Variants in PPP4R3A observed in about 807,000 individuals in gnomAD.
PPP4R3A encodes the protein protein phosphatase 4 regulatory subunit 3A, also known as serine/threonine-protein phosphatase 4 regulatory subunit 3A.
Under a neutral mutation model 91.7 loss-of-function variants are expected in PPP4R3A, and 15 were observed. The ratio of observed to expected loss-of-function variants is 0.16; its 90% CI spans 0.11 to 0.25. The LOEUF (loss-of-function observed/expected upper bound fraction) is 0.25. Ranked by LOEUF, PPP4R3A falls within the 10% of genes least tolerant of loss-of-function variation. PPP4R3A has a pLI of 1.00. For missense variants in PPP4R3A, 623 were observed against 998.4 expected, an observed-to-expected ratio of 0.62 and a Z score of 5.07; for synonymous variants, 377 against 348.7, an observed-to-expected ratio of 1.08 and a Z score of -0.91.
intron 1 of PPP4R3A, among the ~76,000 whole-genome samples, chr14:91,506,992 A>G (rs1216838248): frequency 6.6e-6 from 1 of 152,164 alleles, no homozygotes; most frequent in Non-Finnish European, 1.5e-5. Flanking sequence ...AAATGGAGGA[A>G]GAGAGATTTG....
rs985335548 is a variant in PPP4R3A at position 91,495,336 on chromosome 14, T to C, written c.143-4534A>G. On this transcript the variant is annotated intron_variant, in intron 1 of 14. Coordinates refer to ENST00000554943, the MANE Select transcript of PPP4R3A (RefSeq NM_001366432.2). The stretch of plus-strand genomic sequence containing the variant: ...TGTGTGTGTGTGTGTATGTTTTTTT[T>C]TAGACAGTCTCTCTGTCGCCCAGGC... Among the ~76,000 whole-genome samples the C allele has an allele frequency of 1.6e-3, 61 of 37,518 alleles. 1 individual carries two copies. Among genetic ancestry groups the C allele is most frequent in the Middle Eastern group, 0.014 (1 of 74 alleles). 24.6% of individuals were successfully genotyped at this position (37,518 alleles called of 152,430 possible).
intron 11 of PPP4R3A, 86 bp downstream of exon 11, chr14:91,465,161 TATC>T: frequency 2.0e-6 from 2 of 1,004,906 alleles, no homozygotes; most frequent in South Asian, 2.6e-5. Context: ...CTCCAAATAT[TATC>T]ATCTCAAGCC....
chr14:91,508,631 T>C (rs1243855182), intron 1 of PPP4R3A, among the ~76,000 whole-genome samples: 1 of 152,224 alleles, frequency 6.6e-6, no homozygotes, highest in Admixed American at 6.5e-5. Flanking sequence ...ATAAGCCTTT[T>C]AAAATATGAA....
intron 14 of PPP4R3A, 45 bp from the exon 15 acceptor site, chr14:91,458,914 A>G (rs1567142259): frequency 2.0e-6 from 3 of 1,531,556 alleles, no homozygotes; most frequent in Non-Finnish European, 1.8e-6. Context: ...AATAAAACAT[A>G]TAAAAACACT....
Position 91,468,667 on chromosome 14 carries a change from C to CAAAAAAAAAAAAAAAA in PPP4R3A, c.1660+2154_1660+2169dup, listed in dbSNP as rs766250846. On this transcript the variant is annotated intron_variant, in intron 10 of 14. Coordinates refer to ENST00000554943, the MANE Select transcript of PPP4R3A (RefSeq NM_001366432.2). ...AAGGCGACAGAGTGAGACTCCGTCTCAAAAAAAAAAAAAAAAAAAAAAGGA... is the reference window on the plus strand; with the variant it reads ...AAGGCGACAGAGTGAGACTCCGTCTCAAAAAAAAAAAAAAAAAAAAAAAAAAAAAAAAAAAAAAGGA... Among the ~76,000 whole-genome samples the CAAAAAAAAAAAAAAAA allele has an allele frequency of 5.1e-4, 23 of 45,042 alleles. 2 individuals carry two copies. Among genetic ancestry groups the CAAAAAAAAAAAAAAAA allele is most frequent in the African/African-American group, 2.4e-3 (21 of 8,792 alleles). 29.5% of individuals were successfully genotyped at this position (45,042 alleles called of 152,430 possible). A position where few individuals can be genotyped will look rare whatever the true frequency, so the allele number is the denominator to read the frequency against.
At chr14:91,496,015 A>G (rs1890547265) in intron 1 of PPP4R3A, among the ~76,000 whole-genome samples, 1 of 152,254 alleles carries the variant, frequency 6.6e-6, no homozygotes, top group African/African-American at 2.4e-5. Flanking sequence ...TTAATATATG[A>G]ATCAAAGAGT....
At chr14:91,490,610 C>T (rs1290607750) in intron 2 of PPP4R3A, 137 bp downstream of exon 2, 4 of 647,224 alleles carry the variant, frequency 6.2e-6, no homozygotes, top group Non-Finnish European at 1.0e-5. Flanking sequence ...TAGGAATTGG[C>T]AGAAATCCTA....
At chr14:91,489,098 G>A (rs1199383122) in intron 2 of PPP4R3A, among the ~76,000 whole-genome samples, 5 of 151,886 alleles carry the variant, frequency 3.3e-5, no homozygotes, top group Admixed American at 2.6e-4. Context: ...TAGTAGAGAC[G>A]GGGTTTCACC....
At chr14:91,466,335 G>A in intron 10 of PPP4R3A, 9 of 985,838 alleles carry the variant, frequency 9.1e-6, no homozygotes, top group Non-Finnish European at 1.1e-5. Flanking sequence ...GGAGATCATG[G>A]AAGTGGCTCG....
In PPP4R3A at chr14:91,473,359, G is replaced by A. The variant is rs761366540; in HGVS notation, c.1278C>T (p.Leu426=). 6.2e-7 allele frequency: 1 copy of A among 1,610,784 alleles called. No homozygotes were observed. The highest frequency in any genetic ancestry group is 2.2e-5 in the East Asian group (1 of 44,868). Residue 426 remains leucine (L), a synonymous_variant, in exon 8 of 15, where the codon CTC becomes CTT. Coordinates refer to ENST00000554943, the MANE Select transcript of PPP4R3A (RefSeq NM_001366432.2). ...EQKITSKDIL[L]INLIIEHMIC... ...TCATATGTTCTATAATGAGGTTGATGAGCAAAATATCCTGGAGAGAAAAAT... is the reference window on the plus strand; with the variant it reads ...TCATATGTTCTATAATGAGGTTGATAAGCAAAATATCCTGGAGAGAAAAAT...
At chr14:91,460,564 G>C (rs1425061496) in intron 14 of PPP4R3A, among the ~76,000 whole-genome samples, 2 of 151,636 alleles carry the variant, frequency 1.3e-5, no homozygotes, top group Admixed American at 6.6e-5. Flanking sequence ...AGGGTGGTTG[G>C]CATAAGGAGC....
chr14:91,481,169 A>G (rs532629296), intron 4 of PPP4R3A, among the ~76,000 whole-genome samples: 13 of 152,252 alleles, frequency 8.5e-5, no homozygotes, highest in Non-Finnish European at 1.3e-4. Context: ...CCATCTCTAC[A>G]AAAAATACAA....
chr14:91,507,415 A>ACATAGTATATATAC lies in PPP4R3A; in HGVS notation c.142+2090_142+2091insGTATATATACTATG, dbSNP rs1891407106. Among the ~76,000 whole-genome samples the ACATAGTATATATAC allele has an allele frequency of 5.2e-4, 53 of 101,476 alleles. 5 individuals carry two copies. The highest frequency in any genetic ancestry group is 7.0e-4 in the Non-Finnish European group (33 of 47,410). The allele number at this position is 101,476 out of a possible 152,430, so 66.6% of individuals were successfully genotyped here. On this transcript the variant is annotated intron_variant, in intron 1 of 14. Transcript: ENST00000554943. ...TATATGTACTATAATTATATATACT[A>ACATAGTATATATAC]TATAATATATATACTATAATTATAT...
intron 1 of PPP4R3A, among the ~76,000 whole-genome samples, chr14:91,495,865 G>A (rs1192360147): frequency 6.6e-6 from 1 of 152,008 alleles, no homozygotes; most frequent in Non-Finnish European, 1.5e-5. Context: ...GTTGCAGTGA[G>A]CCAAGATCAT....
At position 91,481,985 on chromosome 14, in the gene PPP4R3A, T is replaced by C; in HGVS notation, c.506A>G (p.Tyr169Cys). The change falls in exon 4 of 15, where the codon TAT becomes TGT. Residue 169 changes from tyrosine (Y) to cysteine (C), a missense_variant. Around this residue, in one of 5 missense-constraint regions of PPP4R3A, gnomAD observed 264 missense variants for 377.3 expected, o/e 0.70. Transcript: ENST00000554943. ...KLALALENEG[Y>C]IKKLLELFHV... ...AAAAAGCTCCAGGAGCTTTTTAATATAACCCTCATTTTCTAGTGCCAGTGC... is the reference window on the plus strand; with the variant it reads ...AAAAAGCTCCAGGAGCTTTTTAATACAACCCTCATTTTCTAGTGCCAGTGC... 1 of 1,614,162 alleles carries C rather than the reference T, an allele frequency of 6.2e-7. No individual in the cohort carries two copies. The highest frequency in any genetic ancestry group is 1.1e-5 in the South Asian group (1 of 91,088).
chr14:91,459,878 G>A (rs552721348), intron 14 of PPP4R3A, among the ~76,000 whole-genome samples: 1 of 151,560 alleles, frequency 6.6e-6, no homozygotes, highest in South Asian at 2.1e-4. Flanking sequence ...CAGATAAAGA[G>A]ACCACCAGAA....
intron 1 of PPP4R3A, among the ~76,000 whole-genome samples, chr14:91,503,592 T>C (rs560340330): frequency 6.1e-4 from 92 of 151,306 alleles, no homozygotes; most frequent in African/African-American, 2.1e-3. Flanking sequence ...GGAGAGAGAG[T>C]ATCAGGAAGA....
In PPP4R3A at chr14:91,468,734, CACT is replaced by C. The variant is rs549339412; in HGVS notation, c.1660+2100_1660+2102del. ...CCAAGTATACTTTGTCCACATGCCACACTTTTTTTTTTTACCCAATTAACATCT... is the reference window on the plus strand; with the variant it reads ...CCAAGTATACTTTGTCCACATGCCACTTTTTTTTTTACCCAATTAACATCT... On this transcript the variant is annotated intron_variant, in intron 10 of 14. Coordinates refer to ENST00000554943, the MANE Select transcript of PPP4R3A (RefSeq NM_001366432.2). Among the ~76,000 whole-genome samples the C allele has an allele frequency of 2.3e-3, 243 of 105,828 alleles. 1 individual carries two copies. The highest frequency in any genetic ancestry group is 3.4e-3 in the South Asian group (11 of 3,248). 69.4% of individuals were successfully genotyped at this position (105,828 alleles called of 152,430 possible). A position where few individuals can be genotyped will look rare whatever the true frequency, so the allele number is the denominator to read the frequency against.
At position 91,485,706 on chromosome 14, in the gene PPP4R3A, C is replaced by T; in HGVS notation, c.223G>A (p.Ala75Thr). 1 of 1,606,632 alleles carries T rather than the reference C, an allele frequency of 6.2e-7. No individual in the cohort carries two copies. The highest frequency in any genetic ancestry group is 8.5e-7 in the Non-Finnish European group (1 of 1,179,780). Residue 75 changes from alanine (A) to threonine (T), a missense_variant, in exon 3 of 15, where the codon GCA becomes ACA. Ala to Thr is a moderately conservative substitution (Grantham distance 58). Around this residue, in one of 5 missense-constraint regions of PPP4R3A, gnomAD observed 20 missense variants for 75.6 expected, o/e 0.26. Transcript: ENST00000554943. ...CTAAGGGCCAAGTCATAATTTTCTG[C>T]TTCAGACCACACAATCAGAGTGTCC... Reference protein sequence around the residue: ...QQDTLIVWSEAENYDLALSFQ... With the variant: ...QQDTLIVWSETENYDLALSFQ...
Sources: gnomAD v4.1 joint callset for allele counts (sites outside exome capture counted in the v4.1 genomes callset) on GRCh38, gnomAD v4.1.1 for gene constraint, gnomAD v4.1.1 regional missense constraint, MANE v1.5 for transcripts, NCBI Gene and HGNC (gene_info 2026-07-23, HGNC 2026-07-21) for gene names.